CNTNAP2: variants seen among roughly 807,000 people sequenced by gnomAD.
CNTNAP2 encodes contactin-associated protein-like 2.
A neutral mutation model predicts 155.2 loss-of-function variants in CNTNAP2; 98 were observed. That is an observed-to-expected ratio of 0.63 (90% CI 0.54 to 0.75). The LOEUF is 0.75. CNTNAP2 is among the 30% of genes least tolerant of loss of function. The probability of loss-of-function intolerance (pLI) is 0.00; values close to 1 mark genes in which losing one functional copy is unlikely to be tolerated. For missense variants in CNTNAP2, 1,727 were observed against 1,688.1 expected, an observed-to-expected ratio of 1.02 and a Z score of -0.40; for synonymous variants, 651 against 631.2, an observed-to-expected ratio of 1.03 and a Z score of -0.47.
In CNTNAP2 at chr7:148,073,033, A is replaced by G. The variant is rs548004937; in HGVS notation, c.2384-45085A>G. Among the ~76,000 whole-genome samples the G allele has an allele frequency of 3.3e-5, 5 of 152,112 alleles. No individual in the cohort carries two copies. In the South Asian group the frequency reaches 1.0e-3, roughly 32 times the overall value. On this transcript the variant is annotated intron_variant, in intron 15 of 23. Coordinates refer to ENST00000361727, the MANE Select transcript of CNTNAP2 (RefSeq NM_014141.6). ...TGTCTTTTGTATTTTAAGATGTGTC[A>G]TATCATCTCTGGCCTCTGCCTACTA...
At chr7:147,176,692 AATTATATATTATATATAATAG>A (rs2116489165) in intron 8 of CNTNAP2, among the ~76,000 whole-genome samples, 1 of 56,336 alleles carries the variant, frequency 1.8e-5, no homozygotes, top group Admixed American at 2.3e-4. Flanking sequence ...TATATAATAG[AATTATATATTATATATAATAG>A]AATTATATAT....
intron 8 of CNTNAP2, among the ~76,000 whole-genome samples, chr7:147,269,798 A>T (rs1268300897): frequency 6.6e-6 from 1 of 152,190 alleles, no homozygotes; most frequent in Admixed American, 6.6e-5. Flanking sequence ...TCATACCTGT[A>T]ATCCTAGCTA....
At chr7:146,822,033 T>G (rs1803295365) in intron 2 of CNTNAP2, among the ~76,000 whole-genome samples, 1 of 152,076 alleles carries the variant, frequency 6.6e-6, no homozygotes, top group African/African-American at 2.4e-5. Context: ...GTATGTTTAT[T>G]GCGGCACTAT....
At chr7:148,352,954 T>C (rs1487212421) in intron 21 of CNTNAP2, among the ~76,000 whole-genome samples, 1 of 152,212 alleles carries the variant, frequency 6.6e-6, no homozygotes, top group Non-Finnish European at 1.5e-5. Flanking sequence ...ATCAGTTACC[T>C]TGTCTTCCAA....
rs948278647 is a variant in CNTNAP2 at position 147,573,704 on chromosome 7, C to G, written c.1897+11447C>G. Among the ~76,000 whole-genome samples, 6 of 152,190 alleles carry G rather than the reference C, an allele frequency of 3.9e-5. No homozygotes were observed. The South Asian group carries it at 1.2e-3, about 31-fold the overall frequency. On this transcript the variant is annotated intron_variant, in intron 12 of 23. Coordinates refer to ENST00000361727, the MANE Select transcript of CNTNAP2 (RefSeq NM_014141.6). ...TTGCTGACATTTCACTTTGTTCTAA[C>G]ATGAAGTGTTTGCTCTCTATATCTG...
intron 1 of CNTNAP2, among the ~76,000 whole-genome samples, chr7:146,618,746 G>T (rs1346519574): frequency 6.6e-6 from 1 of 152,096 alleles, no homozygotes; most frequent in Non-Finnish European, 1.5e-5. Flanking sequence ...ACCAAAGAAG[G>T]GAAAGGTAGT....
intron 9 of CNTNAP2, among the ~76,000 whole-genome samples, chr7:147,375,067 GCT>G (rs747213186): frequency 6.6e-6 from 1 of 151,746 alleles, no homozygotes; most frequent in Non-Finnish European, 1.5e-5. Flanking sequence ...TTTCCTTCTT[GCT>G]CTCTCTCACC....
At chr7:147,834,171 G>C (rs961214282) in intron 13 of CNTNAP2, among the ~76,000 whole-genome samples, 1 of 151,998 alleles carries the variant, frequency 6.6e-6, no homozygotes, top group African/African-American at 2.4e-5. Flanking sequence ...TTTTCTTGTA[G>C]TGCAAGAATA....
At chr7:146,473,823 T>A (rs1402302650) in intron 1 of CNTNAP2, among the ~76,000 whole-genome samples, 1 of 152,232 alleles carries the variant, frequency 6.6e-6, no homozygotes, top group Non-Finnish European at 1.5e-5. Flanking sequence ...CACAGGTTTG[T>A]CTCAAGTATT....
rs1208674853 is a variant in CNTNAP2, at chr7:146,426,936, T to C, written c.97+309963T>C. On this transcript the variant is annotated intron_variant, in intron 1 of 23. Transcript: ENST00000361727. ...AAAGTTTGAGTTAGCCGTTCCACAA[T>C]GTATACAAATATCAAAACGTCATGC... Among the ~76,000 whole-genome samples, 3 of 152,096 alleles carry C rather than the reference T, an allele frequency of 2.0e-5. No individual in the cohort carries two copies. The East Asian group carries it at 5.8e-4, about 29-fold the overall frequency.
At chr7:147,718,401 G>A (rs1450777723) in intron 13 of CNTNAP2, among the ~76,000 whole-genome samples, 2 of 152,058 alleles carry the variant, frequency 1.3e-5, no homozygotes, top group East Asian at 3.9e-4. Context: ...TGAAATGCAT[G>A]ATGTTGTTGG....
chr7:148,359,141 G>C (rs940479898), intron 21 of CNTNAP2, among the ~76,000 whole-genome samples: 8 of 152,170 alleles, frequency 5.3e-5, no homozygotes, highest in Admixed American at 1.3e-4. Context: ...ACAATAACAT[G>C]CTCTACAGAT....
intron 8 of CNTNAP2, among the ~76,000 whole-genome samples, chr7:147,258,748 T>G (rs540912486): frequency 2.0e-5 from 3 of 152,180 alleles, no homozygotes; most frequent in Non-Finnish European, 4.4e-5. Flanking sequence ...CCTCCTAAAC[T>G]TGCAGTTCTT....
At chr7:147,154,661 T>C (rs1002076802) in intron 8 of CNTNAP2, among the ~76,000 whole-genome samples, 1 of 152,084 alleles carries the variant, frequency 6.6e-6, no homozygotes, top group Non-Finnish European at 1.5e-5. Context: ...TGAAATGAAA[T>C]GCACATAGCA....
chr7:146,197,887 A>G (rs1798798808), intron 1 of CNTNAP2, among the ~76,000 whole-genome samples: 1 of 152,180 alleles, frequency 6.6e-6, no homozygotes, highest in Non-Finnish European at 1.5e-5. Context: ...AAGAGGTTTA[A>G]TTGACTCACA....
At chr7:147,981,311 C>G (rs1310437905) in intron 15 of CNTNAP2, among the ~76,000 whole-genome samples, 2 of 152,156 alleles carry the variant, frequency 1.3e-5, no homozygotes, top group Admixed American at 1.3e-4. Context: ...TGGGTTTTAT[C>G]CCACCACTAG....
At chr7:146,589,649 A>G (rs899256283) in intron 1 of CNTNAP2, among the ~76,000 whole-genome samples, 2 of 151,962 alleles carry the variant, frequency 1.3e-5, no homozygotes, top group African/African-American at 2.4e-5. Context: ...CCTAATGCAG[A>G]TGATGGATTG....
intron 1 of CNTNAP2, among the ~76,000 whole-genome samples, chr7:146,343,718 G>A (rs1794770622): frequency 6.6e-6 from 1 of 152,042 alleles, no homozygotes; most frequent in Admixed American, 6.5e-5. Flanking sequence ...AATTATCAAT[G>A]TATGTAAAAT....
intron 13 of CNTNAP2, among the ~76,000 whole-genome samples, chr7:147,691,951 G>A (rs989728715): frequency 2.0e-5 from 3 of 152,038 alleles, no homozygotes; most frequent in African/African-American, 7.2e-5. Context: ...ATAATGACAT[G>A]TGTCTACTAC....
Sources: allele counts gnomAD v4.1 joint callset (sites outside exome capture counted in the v4.1 genomes callset), GRCh38; gene constraint gnomAD v4.1.1; transcripts MANE v1.5; gene names NCBI Gene and HGNC (gene_info 2026-07-23, HGNC 2026-07-21).